PKP4: variants seen among roughly 807,000 people sequenced by gnomAD.
PKP4 encodes plakophilin-4.
A neutral mutation model predicts 145.1 loss-of-function variants in PKP4; 90 were observed. That is an observed-to-expected ratio of 0.62 (90% confidence interval 0.52 to 0.74). PKP4 has a LOEUF of 0.74. Among genes scored for constraint, PKP4 ranks in the 30% least tolerant of loss-of-function variants. PKP4 has a pLI of 0.00. For synonymous variants in PKP4, 563 were observed against 577.2 expected (o/e 0.98, Z 0.35); for missense variants, 1,340 against 1,482.7 (o/e 0.90, Z 1.58).
At chr2:158,623,055 C>T (rs2052405659) in intron 6 of PKP4, among the ~76,000 whole-genome samples, 1 of 152,126 alleles carries the variant, frequency 6.6e-6, no homozygotes, top group Non-Finnish European at 1.5e-5. Flanking sequence ...GTAGTCTAGG[C>T]AACACATTTT....
intron 1 of PKP4, among the ~76,000 whole-genome samples, chr2:158,490,334 G>T (rs1371390385): frequency 6.8e-6 from 1 of 146,654 alleles, no homozygotes; most frequent in African/African-American, 2.5e-5. Context: ...TAACAGACCT[G>T]GTCACCAAAT....
At chr2:158,525,704 T>C in intron 1 of PKP4, among the ~76,000 whole-genome samples, 1 of 143,704 alleles carries the variant, frequency 7.0e-6, no homozygotes, top group South Asian at 2.5e-4. Flanking sequence ...AGCTGGTTTT[T>C]TGAAAGGATC....
chr2:158,507,023 A>T (rs574312263), intron 1 of PKP4, among the ~76,000 whole-genome samples: 2 of 152,332 alleles, frequency 1.3e-5, no homozygotes, highest in Admixed American at 1.3e-4. Flanking sequence ...AGGTTGGGAG[A>T]ATAGTCGTGT....
At chr2:158,678,488 G>A (rs1490511567) in intron 20 of PKP4, 93 bp from the exon 21 acceptor site, 3 of 865,596 alleles carry the variant, frequency 3.5e-6, no homozygotes, top group Non-Finnish European at 5.9e-6. Flanking sequence ...CCCTGTCGGG[G>A]ACAGTGCTAG....
At chr2:158,614,490 CAT>C (rs770964133) in intron 4 of PKP4, among the ~76,000 whole-genome samples, 2 of 152,248 alleles carry the variant, frequency 1.3e-5, no homozygotes, top group East Asian at 3.9e-4. Flanking sequence ...GTAGTTTCCA[CAT>C]ATTTGGGATT....
chr2:158,602,932 G>T, intron 3 of PKP4, 138 bp from the exon 4 acceptor site: 1 of 483,552 alleles, frequency 2.1e-6, no homozygotes, highest in Non-Finnish European at 3.7e-6. Context: ...ACTTAGATAA[G>T]TTTAAATTTT....
chr2:158,642,999 C>A (rs1207280279), intron 11 of PKP4, among the ~76,000 whole-genome samples: 1 of 152,058 alleles, frequency 6.6e-6, no homozygotes, highest in Non-Finnish European at 1.5e-5. Context: ...CATAGTAAAT[C>A]TAGTTGTATT....
intron 2 of PKP4, among the ~76,000 whole-genome samples, chr2:158,534,019 T>G (rs539267061): frequency 6.6e-6 from 1 of 152,302 alleles, no homozygotes; most frequent in African/African-American, 2.4e-5. Context: ...TTTTTGTTTT[T>G]TTTTCCCTGC....
At chr2:158,476,932 C>A (rs949424058) in intron 1 of PKP4, among the ~76,000 whole-genome samples, 2 of 152,096 alleles carry the variant, frequency 1.3e-5, no homozygotes, top group South Asian at 4.1e-4. Flanking sequence ...TCATCATATT[C>A]TTACTCTATT....
At chr2:158,583,883 A>G (rs1206636765) in intron 3 of PKP4, among the ~76,000 whole-genome samples, 1 of 151,870 alleles carries the variant, frequency 6.6e-6, no homozygotes, top group East Asian at 1.9e-4. Flanking sequence ...TTTTTTAATA[A>G]ACCTTTGTGT....
intron 1 of PKP4, among the ~76,000 whole-genome samples, chr2:158,505,097 T>C (rs1009555458): frequency 6.6e-6 from 1 of 152,242 alleles, no homozygotes; most frequent in African/African-American, 2.4e-5. Flanking sequence ...AATTCTGTTC[T>C]GCTCCTGCTT....
chr2:158,608,451 T>C (rs2050830088), intron 4 of PKP4, among the ~76,000 whole-genome samples: 1 of 152,204 alleles, frequency 6.6e-6, no homozygotes, highest in Admixed American at 6.5e-5. Context: ...ATTCAGTGGC[T>C]AATCTCCCCT....
chr2:158,656,604 C>T (rs2055955105), intron 11 of PKP4, among the ~76,000 whole-genome samples: 1 of 152,112 alleles, frequency 6.6e-6, no homozygotes, highest in Non-Finnish European at 1.5e-5. Context: ...TCAGCAAGGT[C>T]CAGAAGTCAA....
chr2:158,634,437 C>G (rs983081201), intron 9 of PKP4, 148 bp downstream of exon 9: 2 of 592,108 alleles, frequency 3.4e-6, no homozygotes, highest in Non-Finnish European at 5.9e-6. Flanking sequence ...CAGTTGTATT[C>G]CAGCTATATA....
At chr2:158,471,076 C>T (rs1691495782) in intron 1 of PKP4, among the ~76,000 whole-genome samples, 1 of 152,206 alleles carries the variant, frequency 6.6e-6, no homozygotes, top group Non-Finnish European at 1.5e-5. Context: ...TCAGCAAACA[C>T]TCTGCACCCA....
At chr2:158,640,812 A>G in intron 10 of PKP4, 53 bp downstream of exon 10, 1 of 1,587,604 alleles carries the variant, frequency 6.3e-7, no homozygotes, top group Non-Finnish European at 8.6e-7. Context: ...TTTGCATTTA[A>G]CAGCCACGTG....
intron 1 of PKP4, among the ~76,000 whole-genome samples, chr2:158,476,150 T>C (rs774179031): frequency 3.9e-4 from 59 of 152,308 alleles, no homozygotes; most frequent in Non-Finnish European, 7.5e-4. Flanking sequence ...CAGGAAATCA[T>C]TGGGGTGTGT....
chr2:158,539,566 T>G (rs753396345), intron 2 of PKP4, among the ~76,000 whole-genome samples: 4 of 152,214 alleles, frequency 2.6e-5, no homozygotes, highest in Non-Finnish European at 4.4e-5. Context: ...GCCTGAAACT[T>G]CTGATTTTTC....
chr2:158,639,277 C>T (rs929691583), intron 9 of PKP4, among the ~76,000 whole-genome samples: 2 of 152,032 alleles, frequency 1.3e-5, no homozygotes, highest in Non-Finnish European at 2.9e-5. Flanking sequence ...TTTGTATCTC[C>T]AGCACCATAG....
Sources: gnomAD v4.1 joint callset for allele counts (sites outside exome capture counted in the v4.1 genomes callset) on GRCh38, gnomAD v4.1.1 for gene constraint, MANE v1.5 for transcripts, NCBI Gene and HGNC (gene_info 2026-07-23, HGNC 2026-07-21) for gene names.